EHBP1: variants seen among roughly 807,000 people sequenced by gnomAD.
EHBP1 encodes the protein EH domain-binding protein 1.
In EHBP1, 55 loss-of-function variants were observed where a neutral mutation model predicts 144.0. The ratio of observed to expected loss-of-function variants is 0.38; its 90% CI spans 0.31 to 0.48. The LOEUF (loss-of-function observed/expected upper bound fraction) is 0.48, where lower values mean the gene tolerates loss of function less well. Ranked by LOEUF, EHBP1 falls within the 20% of genes least tolerant of loss-of-function variation. The pLI, the probability that EHBP1 is intolerant of heterozygous loss-of-function variation, is 0.98. For synonymous variants in EHBP1, 469 were observed against 472.7 expected (o/e 0.99, Z 0.10); for missense variants, 1,200 against 1,364.2 (o/e 0.88, Z 1.90).
intron 5 of EHBP1, among the ~76,000 whole-genome samples, chr2:62,818,232 C>T (rs960535152): frequency 1.4e-5 from 2 of 140,768 alleles, no homozygotes; most frequent in Non-Finnish European, 3.1e-5. Context: ...ACCACTCACT[C>T]ACTGACTTAA....
At chr2:62,919,933 T>C (rs960664550) in intron 10 of EHBP1, among the ~76,000 whole-genome samples, 1 of 152,030 alleles carries the variant, frequency 6.6e-6, no homozygotes, top group African/African-American at 2.4e-5. Flanking sequence ...GAGAGAATCA[T>C]AGGACAATAA....
intron 10 of EHBP1, among the ~76,000 whole-genome samples, chr2:62,916,278 T>C (rs566177318): frequency 6.6e-6 from 1 of 152,214 alleles, no homozygotes; most frequent in East Asian, 1.9e-4. Context: ...ATAGACAAGA[T>C]AGGCAAATTG....
intron 15 of EHBP1, among the ~76,000 whole-genome samples, chr2:62,988,613 T>A (rs1212424740): frequency 6.6e-6 from 1 of 152,190 alleles, no homozygotes; most frequent in South Asian, 2.1e-4. Flanking sequence ...TGGACCTTTG[T>A]AAGTTCTTAT....
chr2:62,893,712 G>A (rs2052640972), intron 10 of EHBP1, among the ~76,000 whole-genome samples: 1 of 152,106 alleles, frequency 6.6e-6, no homozygotes, highest in Non-Finnish European at 1.5e-5. Flanking sequence ...AGGTTTGGAG[G>A]TGGGTATAGG....
intron 6 of EHBP1, 106 bp downstream of exon 6, chr2:62,826,374 A>G: frequency 1.9e-6 from 2 of 1,062,714 alleles, no homozygotes; most frequent in Non-Finnish European, 2.6e-6. Context: ...CATACCAATC[A>G]TTTTTGCCAT....
intron 10 of EHBP1, among the ~76,000 whole-genome samples, chr2:62,900,105 T>C (rs551796076): frequency 6.6e-6 from 1 of 152,306 alleles, no homozygotes; most frequent in South Asian, 2.1e-4. Context: ...TAAACTTTGC[T>C]AGTACATTTA....
chr2:62,752,371 CA>C (rs1179554395), intron 3 of EHBP1, among the ~76,000 whole-genome samples: 2 of 152,160 alleles, frequency 1.3e-5, no homozygotes, highest in East Asian at 3.8e-4. Context: ...TGTTCTTTTA[CA>C]TTTGCTGAGG....
At chr2:63,007,740 CG>C (rs2153232722) in intron 19 of EHBP1, among the ~76,000 whole-genome samples, 1 of 151,676 alleles carries the variant, frequency 6.6e-6, no homozygotes, top group Admixed American at 6.6e-5. Context: ...AAGTTAAAAG[CG>C]TATTGATGAT....
intron 5 of EHBP1, among the ~76,000 whole-genome samples, chr2:62,814,606 C>T (rs182922201): frequency 6.6e-6 from 1 of 152,180 alleles, no homozygotes; most frequent in South Asian, 2.1e-4. Context: ...TGAACAGAAT[C>T]AGGCACTAGA....
chr2:62,777,630 G>C (rs1036568853), intron 5 of EHBP1, among the ~76,000 whole-genome samples: 5 of 151,846 alleles, frequency 3.3e-5, no homozygotes, highest in Non-Finnish European at 7.4e-5. Flanking sequence ...AATAATGACT[G>C]CTATATAAAA....
At chr2:63,001,959 A>T (rs1240920149) in intron 19 of EHBP1, among the ~76,000 whole-genome samples, 1 of 152,220 alleles carries the variant, frequency 6.6e-6, no homozygotes, top group African/African-American at 2.4e-5. Context: ...ATGCAAAAAG[A>T]TACCTAGCCA....
At chr2:62,757,426 C>CTTTTTTTTTTTTTTTTTTTTTT (rs555494268) in intron 3 of EHBP1, among the ~76,000 whole-genome samples, 1 of 113,036 alleles carries the variant, frequency 8.8e-6, no homozygotes, top group East Asian at 2.5e-4. Context: ...TTTTTTTTTT[C>CTTTTTTTTTTTTTTTTTTTTTT]TTTTTTTTTT....
intron 19 of EHBP1, among the ~76,000 whole-genome samples, chr2:63,008,115 T>A (rs2153232868): frequency 6.6e-6 from 1 of 151,848 alleles, no homozygotes; most frequent in South Asian, 2.1e-4. Context: ...CTACAAAGTT[T>A]TACAAAGAAA....
At chr2:62,931,869 G>A (rs2056018702) in intron 10 of EHBP1, among the ~76,000 whole-genome samples, 1 of 152,054 alleles carries the variant, frequency 6.6e-6, no homozygotes, top group Non-Finnish European at 1.5e-5. Context: ...AGTTTCAAGT[G>A]TCCCCTGGGG....
intron 10 of EHBP1, among the ~76,000 whole-genome samples, chr2:62,924,872 A>G (rs577962235): frequency 1.3e-5 from 2 of 152,336 alleles, no homozygotes; most frequent in Non-Finnish European, 2.9e-5. Flanking sequence ...TAACATTGAC[A>G]TCAAAACCAG....
intron 7 of EHBP1, among the ~76,000 whole-genome samples, chr2:62,841,546 A>C (rs188954166): frequency 7.9e-5 from 12 of 152,196 alleles, no homozygotes; most frequent in African/African-American, 2.9e-4. Context: ...GTAGAATGAG[A>C]GATGCAGTAT....
intron 14 of EHBP1, 22 bp from the exon 15 acceptor site, chr2:62,979,166 G>A (rs878935768): frequency 6.3e-7 from 1 of 1,592,334 alleles, no homozygotes. Context: ...TACTGAGTTG[G>A]CAACTGTTCA....
In EHBP1 at chr2:62,841,053, C is replaced by T. The variant is rs918446633; in HGVS notation, c.634+9895C>T. On this transcript the variant is annotated intron_variant, in intron 7 of 22. Transcript: ENST00000431489. The stretch of plus-strand genomic sequence containing the variant: ...GAGACATGCACACATATGTTTATTG[C>T]GGCATTATTCACAATAGCAAAGACT... Among the ~76,000 whole-genome samples the T allele has an allele frequency of 2.7e-3, 404 of 152,100 alleles. 4 individuals carry two copies. Among genetic ancestry groups the T allele is most frequent in the African/African-American group, 7.7e-3 (320 of 41,470 alleles).
intron 3 of EHBP1, among the ~76,000 whole-genome samples, chr2:62,748,031 C>T (rs867439620): frequency 9.2e-5 from 14 of 151,950 alleles, no homozygotes; most frequent in Admixed American, 2.6e-4. Context: ...ACTCAGTCTG[C>T]GGCATGTTGT....
Sources: allele counts gnomAD v4.1 joint callset (sites outside exome capture counted in the v4.1 genomes callset), GRCh38; gene constraint gnomAD v4.1.1; transcripts MANE v1.5; gene names NCBI Gene and HGNC (gene_info 2026-07-23, HGNC 2026-07-21).